Variants in PCDHGB2 observed in about 807,000 individuals in gnomAD.
PCDHGB2 encodes protocadherin gamma subfamily B, 2, also known as protocadherin gamma-B2.
Under a neutral mutation model 59.3 loss-of-function variants are expected in PCDHGB2, and 55 were observed. That is an observed-to-expected ratio of 0.93 (90% CI 0.75 to 1.16). The LOEUF (loss-of-function observed/expected upper bound fraction) is 1.16. Among genes scored for constraint, PCDHGB2 ranks in the 50% most tolerant of loss-of-function variants. The pLI is 0.00. For missense variants in PCDHGB2, 1,228 were observed against 1,198.5 expected (o/e 1.02, Z -0.36); for synonymous variants, 516 against 512.0 (o/e 1.01, Z -0.11).
At chr5:141,443,059 A>G (rs148799842) in intron 1 of PCDHGB2, among the ~76,000 whole-genome samples, 145 of 152,348 alleles carry the variant, frequency 9.5e-4, no homozygotes, top group African/African-American at 3.3e-3. Context: ...GTTCCACTGA[A>G]GAGCGTCTTA....
intron 1 of PCDHGB2, among the ~76,000 whole-genome samples, chr5:141,460,997 G>A (rs1322943324): frequency 3.4e-5 from 5 of 147,290 alleles, no homozygotes; most frequent in Admixed American, 1.4e-4. Flanking sequence ...ATATATATAT[G>A]TGTATATATA....
At chr5:141,470,469 A>T (rs1423801455) in intron 1 of PCDHGB2, among the ~76,000 whole-genome samples, 1 of 152,194 alleles carries the variant, frequency 6.6e-6, no homozygotes, top group Non-Finnish European at 1.5e-5. Context: ...ATTTTCTGAT[A>T]TTACTAACCC....
intron 1 of PCDHGB2, among the ~76,000 whole-genome samples, chr5:141,387,171 G>A (rs1194101631): frequency 6.6e-6 from 1 of 152,156 alleles, no homozygotes; most frequent in Non-Finnish European, 1.5e-5. Flanking sequence ...AGTATAAATT[G>A]CACCTTCTAA....
rs373430964 is a variant in PCDHGB2, at chr5:141,374,999, A to G, written c.2421+12443A>G. The G allele has an allele frequency of 1.1e-5, 17 of 1,613,928 alleles. No homozygotes were observed. The African/African-American group carries it at 2.1e-4, about 20-fold the overall frequency. On this transcript the variant is annotated intron_variant, in intron 1 of 3. Transcript: ENST00000522605. ...GACTGGAGAAATTTCAACTTCTGCA[A>G]ATCTAGACTATGAGGACTCGAGTTT...
intron 1 of PCDHGB2, among the ~76,000 whole-genome samples, chr5:141,446,868 C>T (rs980547855): frequency 6.6e-6 from 1 of 152,160 alleles, no homozygotes; most frequent in Non-Finnish European, 1.5e-5. Flanking sequence ...TAGCTCTACA[C>T]TGGTATGTTT....
In PCDHGB2 at chr5:141,374,581, C is replaced by A; in HGVS notation, c.2421+12025C>A. On this transcript the variant is annotated intron_variant, in intron 1 of 3. Transcript: ENST00000522605. ...ATGACCCTGATGTGGGAATGAACTC[C>A]CTTCAGGGATTTAAGCTCAGTGGTA... The A allele has an allele frequency of 1.9e-6, 3 of 1,613,660 alleles. No homozygotes were observed. In the East Asian group the frequency reaches 6.7e-5, roughly 36 times the overall value.
intron 1 of PCDHGB2, chr5:141,365,422 T>G: frequency 6.2e-7 from 1 of 1,614,032 alleles, no homozygotes; most frequent in Non-Finnish European, 8.5e-7. Context: ...TTCCCGGAAC[T>G]GTAATCGCGC....
At position 141,432,412 on chromosome 5, in the gene PCDHGB2, C is replaced by G. The variant is rs773688197; in HGVS notation, c.2422-62395C>G. 1.9e-6 allele frequency: 3 copies of G among 1,614,246 alleles called. No individual in the cohort carries two copies. The highest frequency in any genetic ancestry group is 2.2e-5 in the East Asian group (1 of 44,882). ...GCAGCAACGTGTCGTTGAGCCTGTT[C>G]GTGCTGGACCAGAACGACAATGCGC... On this transcript the variant is annotated intron_variant, in intron 1 of 3. Transcript: ENST00000522605. This position sits in a 1 kb window ranked among gnomAD's most constrained non-coding sequence, Gnocchi z 6.0.
At chr5:141,414,458 C>T (rs2095749873) in intron 1 of PCDHGB2, 9 of 1,613,698 alleles carry the variant, frequency 5.6e-6, no homozygotes, top group Non-Finnish European at 6.8e-6. Flanking sequence ...ACAGTGACAG[C>T]CACAGATGGG....
chr5:141,405,461 C>T, intron 1 of PCDHGB2: 1 of 1,220,756 alleles, frequency 8.2e-7, no homozygotes, highest in Non-Finnish European at 1.1e-6. Context: ...ACTCTGTTAC[C>T]CAGGCTGGAA....
In PCDHGB2 at chr5:141,476,606, G is replaced by A; in HGVS notation, c.2422-18201G>A. 1 of 1,614,244 alleles carries A rather than the reference G, an allele frequency of 6.2e-7. No homozygotes were observed. Among genetic ancestry groups the A allele is most frequent in the Non-Finnish European group, 8.5e-7 (1 of 1,180,046 alleles). Reference sequence around the variant, plus strand: ...GCTCGAGAGCGCGCACGATCCCGATGTGGGAAGCAACTCTTTACAAACCTA... The same window carrying A: ...GCTCGAGAGCGCGCACGATCCCGATATGGGAAGCAACTCTTTACAAACCTA... On this transcript the variant is annotated intron_variant, in intron 1 of 3. Transcript: ENST00000522605. The surrounding 1 kb of genome is among the most constrained non-coding windows in gnomAD (Gnocchi z 7.6).
rs987203685 is a variant in PCDHGB2 at position 141,403,829 on chromosome 5, C to A, written c.2421+41273C>A. ...TAATGAAAAACAATCTCTGCTATTC[C>A]AGCTTAATGAAAATACTGGGGAAAT... is the stretch of plus-strand genomic sequence containing the variant. On this transcript the variant is annotated intron_variant, in intron 1 of 3. Transcript: ENST00000522605. 1.2e-6 allele frequency: 2 copies of A among 1,613,602 alleles called. No homozygotes were observed. The highest frequency in any genetic ancestry group is 2.2e-5 in the East Asian group (1 of 44,884).
chr5:141,423,297 C>G lies in PCDHGB2; in HGVS notation c.2421+60741C>G, dbSNP rs1322889810. 3 of 1,614,170 alleles carry G rather than the reference C, an allele frequency of 1.9e-6. 1 individual carries two copies. The South Asian group carries it at 3.3e-5, about 18-fold the overall frequency. The stretch of plus-strand genomic sequence containing the variant: ...TGGCTAACTCTGAAACCTCAGACCT[C>G]TCGCTGTACTTGGTGGTGGCGGTGG... On this transcript the variant is annotated intron_variant, in intron 1 of 3. Transcript: ENST00000522605.
chr5:141,416,031 C>G (rs1301059596), intron 1 of PCDHGB2: 1 of 207,362 alleles, frequency 4.8e-6, no homozygotes, highest in Non-Finnish European at 9.4e-6. Context: ...AGAAAGAAAT[C>G]ACCTCTGGAA....
chr5:141,370,507 C>T, intron 1 of PCDHGB2: 3 of 1,613,920 alleles, frequency 1.9e-6, no homozygotes, highest in Non-Finnish European at 2.5e-6. Context: ...TACGCTATTC[C>T]CGAGGAGCTG....
intron 2 of PCDHGB2, among the ~76,000 whole-genome samples, chr5:141,498,394 A>G (rs1043900807): frequency 6.6e-6 from 1 of 152,096 alleles, no homozygotes; most frequent in Non-Finnish European, 1.5e-5. Flanking sequence ...AGGGAATGGC[A>G]GGGAGTTTTC....
intron 1 of PCDHGB2, chr5:141,366,838 T>G: frequency 6.7e-7 from 1 of 1,503,394 alleles, no homozygotes; most frequent in Non-Finnish European, 8.9e-7. Context: ...ATCAGCTAGT[T>G]ATGTAAATAG....
At chr5:141,478,725 A>C (rs2099473537) in intron 1 of PCDHGB2, 1 of 1,542,096 alleles carries the variant, frequency 6.5e-7, no homozygotes. Flanking sequence ...GGCCTGCCAG[A>C]GTGTGGTTTG....
intron 1 of PCDHGB2, among the ~76,000 whole-genome samples, chr5:141,470,385 T>C (rs1278833959): frequency 1.3e-5 from 2 of 152,206 alleles, no homozygotes; most frequent in Non-Finnish European, 2.9e-5. Flanking sequence ...GACTACTCGA[T>C]GATATTTAGG....
Sources: allele counts gnomAD v4.1 joint callset (sites outside exome capture counted in the v4.1 genomes callset), GRCh38; gene constraint gnomAD v4.1.1; non-coding constraint Gnocchi (gnomAD v3.1); transcripts MANE v1.5; gene names NCBI Gene and HGNC (gene_info 2026-07-23, HGNC 2026-07-21).